The following NIBAN1 variants were observed in gnomAD, a reference collection of about 807,000 sequenced individuals.
NIBAN1 encodes the protein protein Niban 1.
A neutral mutation model predicts 75.1 loss-of-function variants in NIBAN1; 81 were observed. That is an observed-to-expected ratio of 1.08 (90% confidence interval 0.90 to 1.30). The LOEUF (loss-of-function observed/expected upper bound fraction) is 1.30, where lower values mean the gene tolerates loss of function less well. Among genes scored for constraint, NIBAN1 ranks in the 50% most tolerant of loss-of-function variants. NIBAN1 has a pLI of 0.00. For synonymous variants in NIBAN1, 436 were observed against 424.8 expected (o/e 1.03, Z -0.32); for missense variants, 1,133 against 1,128.1 (o/e 1.00, Z -0.06).
intron 6 of NIBAN1, among the ~76,000 whole-genome samples, chr1:184,829,388 C>T (rs551259116): frequency 1.3e-5 from 2 of 151,780 alleles, no homozygotes; most frequent in South Asian, 4.2e-4. Context: ...ACTTACACCA[C>T]TTAGCACATA....
chr1:184,908,071 A>G (rs1657148904), intron 1 of NIBAN1, among the ~76,000 whole-genome samples: 1 of 152,228 alleles, frequency 6.6e-6, no homozygotes, highest in Non-Finnish European at 1.5e-5. Flanking sequence ...GCTTAAGAAC[A>G]AACAATAAAG....
At chr1:184,927,032 A>G (rs995169933) in intron 1 of NIBAN1, among the ~76,000 whole-genome samples, 1 of 152,178 alleles carries the variant, frequency 6.6e-6, no homozygotes, top group Non-Finnish European at 1.5e-5. Context: ...TCTTTGTTAA[A>G]TTTATCTGAT....
At chr1:184,940,106 G>A (rs1658051613) in intron 1 of NIBAN1, among the ~76,000 whole-genome samples, 1 of 152,174 alleles carries the variant, frequency 6.6e-6, no homozygotes. Context: ...CAGAATAAGA[G>A]GGAATAGGTG....
At chr1:184,898,149 A>C (rs1402626159) in intron 2 of NIBAN1, among the ~76,000 whole-genome samples, 1 of 152,060 alleles carries the variant, frequency 6.6e-6, no homozygotes, top group Non-Finnish European at 1.5e-5. Context: ...TCCCTTGCTC[A>C]CAGTGCTCCC....
At chr1:184,800,240 A>T (rs1653999025) in intron 12 of NIBAN1, among the ~76,000 whole-genome samples, 1 of 149,248 alleles carries the variant, frequency 6.7e-6, no homozygotes, top group African/African-American at 2.5e-5. Flanking sequence ...AATTTGTTTG[A>T]GTTCATTGTA....
At chr1:184,877,023 C>A (rs1469005981) in intron 5 of NIBAN1, among the ~76,000 whole-genome samples, 1 of 152,146 alleles carries the variant, frequency 6.6e-6, no homozygotes, top group Non-Finnish European at 1.5e-5. Flanking sequence ...AAACTAAATA[C>A]CTTTAAACCA....
chr1:184,940,755 T>C (rs1425194242), intron 1 of NIBAN1, among the ~76,000 whole-genome samples: 1 of 152,214 alleles, frequency 6.6e-6, no homozygotes. Flanking sequence ...TGAGTAAAAA[T>C]GCTCAGGCAC....
intron 9 of NIBAN1, among the ~76,000 whole-genome samples, chr1:184,812,510 C>G (rs1025876298): frequency 3.3e-5 from 5 of 152,174 alleles, no homozygotes; most frequent in Non-Finnish European, 7.4e-5. Flanking sequence ...TCTGGCTTCT[C>G]TCTATATATA....
intron 5 of NIBAN1, among the ~76,000 whole-genome samples, chr1:184,842,520 G>T (rs1251502197): frequency 6.6e-6 from 1 of 152,168 alleles, no homozygotes; most frequent in Non-Finnish European, 1.5e-5. Flanking sequence ...TTGGGAGGCC[G>T]AGGCAGGCGG....
At chr1:184,886,247 C>A (rs1324581360) in intron 4 of NIBAN1, among the ~76,000 whole-genome samples, 1 of 152,166 alleles carries the variant, frequency 6.6e-6, no homozygotes, top group Non-Finnish European at 1.5e-5. Flanking sequence ...ACTGCAATGA[C>A]CTGTTTTCAT....
At chr1:184,893,812 G>A (rs954911583) in intron 3 of NIBAN1, among the ~76,000 whole-genome samples, 6 of 152,180 alleles carry the variant, frequency 3.9e-5, no homozygotes, top group Non-Finnish European at 5.9e-5. Flanking sequence ...GCCACTAGAC[G>A]GCAAGCATCT....
At chr1:184,813,018 A>G (rs762240685) in intron 9 of NIBAN1, among the ~76,000 whole-genome samples, 2 of 152,238 alleles carry the variant, frequency 1.3e-5, no homozygotes, top group Non-Finnish European at 2.9e-5. Context: ...TACTTTATTA[A>G]AGAGTGCTAT....
At chr1:184,949,425 A>G (rs2102061685) in intron 1 of NIBAN1, among the ~76,000 whole-genome samples, 1 of 152,372 alleles carries the variant, frequency 6.6e-6, no homozygotes, top group African/African-American at 2.4e-5. Context: ...AGTAATAAGA[A>G]TAACCACCAC....
Position 184,795,760 on chromosome 1 carries a change from C to T in NIBAN1, c.2004G>A (p.Val668=). ...SRVDDPVVNP[V]ATEDTAGLPG... is the part of the protein sequence containing the mutation. ...GGAGTCCTGCTGTGTCCTCTGTTGC[C>T]ACAGGATTCACCACGGGGTCATCCA... is the stretch of plus-strand genomic sequence containing the variant. The change falls in exon 14 of 14, where the codon GTG becomes GTA. Residue 668 remains valine (V), a synonymous_variant. Transcript: ENST00000367511. The T allele has an allele frequency of 1.2e-6, 2 of 1,611,962 alleles. No homozygotes were observed. The highest frequency in any genetic ancestry group is 1.7e-6 in the Non-Finnish European group (2 of 1,178,784).
chr1:184,967,158 T>C, intron 1 of NIBAN1, among the ~76,000 whole-genome samples: 1 of 152,146 alleles, frequency 6.6e-6, no homozygotes, highest in East Asian at 1.9e-4. Flanking sequence ...AGAAAATCTG[T>C]ATTGCATTTG....
chr1:184,942,941 G>A (rs1178052930), intron 1 of NIBAN1, among the ~76,000 whole-genome samples: 1 of 152,210 alleles, frequency 6.6e-6, no homozygotes, highest in African/African-American at 2.4e-5. Flanking sequence ...TTTCCAAGAA[G>A]AGGAAAAAGT....
intron 5 of NIBAN1, among the ~76,000 whole-genome samples, chr1:184,862,887 TTACACAGGTAAAC>T (rs1461690553): frequency 6.6e-6 from 1 of 152,102 alleles, no homozygotes; most frequent in African/African-American, 2.4e-5. Context: ...GTGCAGGTTG[TTACACAGGTAAAC>T]TTGTGTCATA....
intron 5 of NIBAN1, among the ~76,000 whole-genome samples, chr1:184,865,703 TTGTC>T (rs1655939055): frequency 6.6e-6 from 1 of 152,192 alleles, no homozygotes; most frequent in South Asian, 2.1e-4. Flanking sequence ...ACATTTCACT[TTGTC>T]TGGTCAGTCT....
intron 5 of NIBAN1, chr1:184,867,731 T>G (rs1655994657): frequency 8.8e-6 from 3 of 342,228 alleles, no homozygotes; most frequent in Non-Finnish European, 1.2e-5. Flanking sequence ...GAGGAAATCA[T>G]CCTCAAACTC....
Sources: allele counts gnomAD v4.1 joint callset (sites outside exome capture counted in the v4.1 genomes callset), GRCh38; gene constraint gnomAD v4.1.1; transcripts MANE v1.5; gene names NCBI Gene and HGNC (gene_info 2026-07-23, HGNC 2026-07-21).